The following IMMP2L variants were observed in gnomAD, a reference collection of about 807,000 sequenced individuals.
The protein encoded by IMMP2L is mitochondrial inner membrane protease subunit 2.
A neutral mutation model predicts 19.3 loss-of-function variants in IMMP2L; 18 were observed. The observed-to-expected ratio is 0.93, with a 90% CI of 0.64 to 1.38. The LOEUF (loss-of-function observed/expected upper bound fraction) is 1.38, where lower values mean the gene tolerates loss of function less well. Ranked by LOEUF, IMMP2L falls within the 40% of genes most tolerant of loss-of-function variation. The pLI is 0.00. For missense variants in IMMP2L, 233 were observed against 218.2 expected (o/e 1.07, Z -0.43); for synonymous variants, 76 against 73.0 (o/e 1.04, Z -0.21).
intron 4 of IMMP2L, among the ~76,000 whole-genome samples, chr7:110,941,948 A>G (rs1414001514): frequency 6.6e-6 from 1 of 151,002 alleles, no homozygotes; most frequent in African/African-American, 2.4e-5. Flanking sequence ...CCTTTAGTAC[A>G]TTTAAAAAGA....
rs1848385681 is a variant in IMMP2L at position 111,540,116 on chromosome 7, A to G, written c.-2-18667T>C. 1.3e-5 allele frequency among the ~76,000 whole-genome samples: 2 copies of G among 152,200 alleles called. 1 individual carries two copies. Among genetic ancestry groups the G allele is most frequent in the South Asian group, 4.1e-4 (2 of 4,822 alleles). ...GTAAACAAATACCCACCTCATTTTAATAGTTTCTTAGTAGAAAGATTACCT... is the reference window on the plus strand; with the variant it reads ...GTAAACAAATACCCACCTCATTTTAGTAGTTTCTTAGTAGAAAGATTACCT... On this transcript the variant is annotated intron_variant, in intron 1 of 5. Transcript: ENST00000405709.
intron 3 of IMMP2L, among the ~76,000 whole-genome samples, chr7:111,175,345 G>A (rs914275728): frequency 2.6e-5 from 4 of 151,756 alleles, no homozygotes; most frequent in African/African-American, 4.8e-5. Flanking sequence ...AGTTCAATGA[G>A]ACTGTCTATT....
chr7:111,470,730 G>A (rs1338776449), intron 3 of IMMP2L, among the ~76,000 whole-genome samples: 1 of 131,020 alleles, frequency 7.6e-6, no homozygotes, highest in Non-Finnish European at 1.6e-5. Context: ...GTTGTGGGGT[G>A]GGGGGGAGGG....
At chr7:110,848,333 A>C (rs573505162) in intron 5 of IMMP2L, among the ~76,000 whole-genome samples, 7 of 152,262 alleles carry the variant, frequency 4.6e-5, no homozygotes, top group Admixed American at 2.0e-4. Flanking sequence ...AGCATTTGGG[A>C]ATTTCAAATT....
At chr7:111,064,668 A>G (rs1794328668) in intron 3 of IMMP2L, among the ~76,000 whole-genome samples, 2 of 152,094 alleles carry the variant, frequency 1.3e-5, no homozygotes, top group Admixed American at 6.6e-5. Flanking sequence ...AAATGCTGCC[A>G]CCAGGAGGCA....
At chr7:110,782,382 G>A (rs1206837291) in intron 5 of IMMP2L, among the ~76,000 whole-genome samples, 1 of 151,820 alleles carries the variant, frequency 6.6e-6, no homozygotes, top group Non-Finnish European at 1.5e-5. Context: ...GACAGTTTTA[G>A]TACTTACTTT....
intron 3 of IMMP2L, among the ~76,000 whole-genome samples, chr7:111,066,918 C>T (rs1230345437): frequency 6.6e-6 from 1 of 152,210 alleles, no homozygotes; most frequent in Non-Finnish European, 1.5e-5. Context: ...GGCAATCCAT[C>T]ATGTCTATGA....
At chr7:111,416,823 G>C (rs1021614700) in intron 3 of IMMP2L, among the ~76,000 whole-genome samples, 2 of 151,584 alleles carry the variant, frequency 1.3e-5, no homozygotes, top group Admixed American at 6.6e-5. Flanking sequence ...GACCACAATT[G>C]AGAGTTTAAT....
At chr7:111,059,563 TTA>T (rs1563202024) in intron 3 of IMMP2L, among the ~76,000 whole-genome samples, 2 of 152,172 alleles carry the variant, frequency 1.3e-5, no homozygotes. Flanking sequence ...GGGGTCTATG[TTA>T]TTATCACCTC....
intron 3 of IMMP2L, among the ~76,000 whole-genome samples, chr7:111,382,453 A>G (rs1288849975): frequency 6.6e-6 from 1 of 152,062 alleles, no homozygotes; most frequent in Non-Finnish European, 1.5e-5. Context: ...AAAGACTCCA[A>G]AAGGCGAAAG....
At chr7:110,689,947 T>C (rs1461638645) in intron 5 of IMMP2L, among the ~76,000 whole-genome samples, 2 of 152,190 alleles carry the variant, frequency 1.3e-5, no homozygotes, top group African/African-American at 4.8e-5. Context: ...ACAGTATATA[T>C]CTTTTCTCAT....
chr7:111,516,790 T>G (rs1442371470), intron 2 of IMMP2L, among the ~76,000 whole-genome samples: 1 of 152,100 alleles, frequency 6.6e-6, no homozygotes, highest in Admixed American at 6.6e-5. Flanking sequence ...CAAAAGTAAT[T>G]TGGGCAGAAA....
chr7:110,788,650 C>T (rs191297671), intron 5 of IMMP2L, among the ~76,000 whole-genome samples: 7 of 151,784 alleles, frequency 4.6e-5, no homozygotes, highest in Admixed American at 1.3e-4. Flanking sequence ...TCCACTTAGT[C>T]GTCTTATAGA....
At chr7:111,484,546 T>C (rs1005506287) in intron 3 of IMMP2L, among the ~76,000 whole-genome samples, 2 of 152,184 alleles carry the variant, frequency 1.3e-5, no homozygotes, top group Non-Finnish European at 2.9e-5. Flanking sequence ...TAATATACAC[T>C]TCTGTATGTG....
At position 111,471,736 on chromosome 7, in the gene IMMP2L, T is replaced by G. The variant is rs563439902; in HGVS notation, c.239+15502A>C. 1.4e-3 allele frequency among the ~76,000 whole-genome samples: 211 copies of G among 152,228 alleles called. 1 individual carries two copies. The highest frequency in any genetic ancestry group is 4.9e-3 in the African/African-American group (203 of 41,550). ...ACGTTATATTTCTTTTGAACGTCCC[T>G]GAACATTCAAAATGTTATCCTCTAG... On this transcript the variant is annotated intron_variant, in intron 3 of 5. Transcript: ENST00000405709.
At chr7:111,158,940 TCTC>T (rs1320977708) in intron 3 of IMMP2L, among the ~76,000 whole-genome samples, 1 of 152,160 alleles carries the variant, frequency 6.6e-6, no homozygotes, top group Non-Finnish European at 1.5e-5. Flanking sequence ...TGGAGAGTCT[TCTC>T]TTCTTTTATA....
intron 3 of IMMP2L, among the ~76,000 whole-genome samples, chr7:111,081,494 A>G (rs774995717): frequency 6.6e-5 from 10 of 152,172 alleles, no homozygotes; most frequent in Non-Finnish European, 1.0e-4. Flanking sequence ...GACTTGACCA[A>G]CCTGTGCACA....
At chr7:111,114,177 A>T (rs910047476) in intron 3 of IMMP2L, among the ~76,000 whole-genome samples, 4 of 151,920 alleles carry the variant, frequency 2.6e-5, no homozygotes, top group African/African-American at 9.7e-5. Flanking sequence ...TGCCAGGAAA[A>T]CAATGATTTC....
chr7:111,495,899 A>G (rs1843549864), intron 2 of IMMP2L, among the ~76,000 whole-genome samples: 1 of 152,150 alleles, frequency 6.6e-6, no homozygotes, highest in African/African-American at 2.4e-5. Flanking sequence ...ACAACAGGTA[A>G]ATATCAAACT....
Sources: allele counts gnomAD v4.1 joint callset (sites outside exome capture counted in the v4.1 genomes callset), GRCh38; gene constraint gnomAD v4.1.1; transcripts MANE v1.5; gene names NCBI Gene and HGNC (gene_info 2026-07-23, HGNC 2026-07-21).